The following CCSER1 variants were observed in gnomAD, a reference collection of about 807,000 sequenced individuals.
CCSER1 encodes the protein serine-rich coiled-coil domain-containing protein 1.
In CCSER1, 41 loss-of-function variants were observed where a neutral mutation model predicts 82.0. The observed-to-expected ratio is 0.50, with a 90% CI of 0.39 to 0.65. The LOEUF is 0.65. Ranked by LOEUF, CCSER1 falls within the 30% of genes least tolerant of loss-of-function variation. The pLI is 0.00. For missense variants in CCSER1, 1,119 were observed against 1,064.2 expected, an observed-to-expected ratio of 1.05 and a Z score of -0.72; for synonymous variants, 414 against 383.9, an observed-to-expected ratio of 1.08 and a Z score of -0.92.
intron 10 of CCSER1, among the ~76,000 whole-genome samples, chr4:91,350,233 T>C (rs963290944): frequency 1.3e-5 from 2 of 152,202 alleles, no homozygotes; most frequent in African/African-American, 4.8e-5. Context: ...GCAAAACAAA[T>C]TTAGATCTGA....
At chr4:90,849,661 C>T (rs1338247900) in intron 8 of CCSER1, among the ~76,000 whole-genome samples, 29 of 151,550 alleles carry the variant, frequency 1.9e-4, no homozygotes, top group South Asian at 1.5e-3. Flanking sequence ...TGGTGGCAGG[C>T]GCCTGTAGTC....
chr4:90,388,267 G>T (rs1750396977), intron 3 of CCSER1, among the ~76,000 whole-genome samples: 2 of 151,898 alleles, frequency 1.3e-5, no homozygotes, highest in South Asian at 4.1e-4. Context: ...TGACACAAGA[G>T]TGACATAGTA....
At chr4:91,460,756 C>T (rs1032455577) in intron 10 of CCSER1, among the ~76,000 whole-genome samples, 2 of 152,074 alleles carry the variant, frequency 1.3e-5, no homozygotes, top group African/African-American at 4.8e-5. Flanking sequence ...TTGTGAGTGG[C>T]CTTACACTTT....
At chr4:90,529,785 C>G (rs1774262784) in intron 5 of CCSER1, among the ~76,000 whole-genome samples, 1 of 151,938 alleles carries the variant, frequency 6.6e-6, no homozygotes, top group Non-Finnish European at 1.5e-5. Context: ...GAGTTCTGCT[C>G]TGATGCTAGG....
chr4:90,875,903 A>G (rs955949145), intron 8 of CCSER1, among the ~76,000 whole-genome samples: 3 of 152,210 alleles, frequency 2.0e-5, no homozygotes, highest in African/African-American at 7.2e-5. Context: ...AAAACAGAGC[A>G]GACTATTGCG....
At chr4:91,464,926 G>C (rs1756777313) in intron 10 of CCSER1, among the ~76,000 whole-genome samples, 1 of 152,132 alleles carries the variant, frequency 6.6e-6, no homozygotes, top group Non-Finnish European at 1.5e-5. Context: ...ACATCCCACT[G>C]TCAGTATTAG....
In CCSER1 at chr4:90,732,827, C is replaced by T. The variant is rs77600596; in HGVS notation, c.2010+8836C>T. ...CATATTTCACTTACCATAATGACTT[C>T]CAGCTCCATCCCTGTTGTTACAAAT... is the stretch of plus-strand genomic sequence containing the variant. On this transcript the variant is annotated intron_variant, in intron 7 of 10. Coordinates refer to ENST00000509176, the MANE Select transcript of CCSER1 (RefSeq NM_001145065.2). Among the ~76,000 whole-genome samples the T allele has an allele frequency of 5.5e-3, 835 of 152,304 alleles. 6 individuals carry two copies. Among genetic ancestry groups the T allele is most frequent in the Non-Finnish European group, 9.5e-3 (643 of 68,010 alleles).
chr4:90,755,709 C>T (rs2149498852), intron 7 of CCSER1, among the ~76,000 whole-genome samples: 1 of 152,232 alleles, frequency 6.6e-6, no homozygotes, highest in Admixed American at 6.5e-5. Context: ...ATGCAAAACA[C>T]TGTATACTGT....
chr4:90,862,092 T>G (rs1765182118), intron 8 of CCSER1, among the ~76,000 whole-genome samples: 1 of 151,392 alleles, frequency 6.6e-6, no homozygotes, highest in Non-Finnish European at 1.5e-5. Flanking sequence ...ATCTGAGAAG[T>G]AAAAAATTAA....
chr4:90,735,313 G>A (rs1745462093), intron 7 of CCSER1, among the ~76,000 whole-genome samples: 1 of 151,980 alleles, frequency 6.6e-6, no homozygotes, highest in African/African-American at 2.4e-5. Context: ...GTTTAGTTTT[G>A]GTATCAAGGT....
At chr4:90,560,936 C>A (rs1386004585) in intron 5 of CCSER1, among the ~76,000 whole-genome samples, 2 of 152,182 alleles carry the variant, frequency 1.3e-5, no homozygotes, top group African/African-American at 4.8e-5. Flanking sequence ...AATCATCTGG[C>A]AGGTGACTTT....
chr4:90,336,686 A>G (rs1319407340), intron 3 of CCSER1, among the ~76,000 whole-genome samples: 1 of 152,132 alleles, frequency 6.6e-6, no homozygotes, highest in Non-Finnish European at 1.5e-5. Context: ...TTGCATAGGG[A>G]GTTTATTTTT....
chr4:91,276,244 T>C (rs1742426415), intron 10 of CCSER1, among the ~76,000 whole-genome samples: 1 of 151,682 alleles, frequency 6.6e-6, no homozygotes, highest in Admixed American at 6.6e-5. Context: ...TAGATTTCTT[T>C]GGGTAGTATA....
At chr4:91,293,399 C>T (rs1425862523) in intron 10 of CCSER1, among the ~76,000 whole-genome samples, 1 of 151,950 alleles carries the variant, frequency 6.6e-6, no homozygotes, top group African/African-American at 2.4e-5. Flanking sequence ...TTAACTTGAA[C>T]AGATTAAGGT....
intron 7 of CCSER1, among the ~76,000 whole-genome samples, chr4:90,765,586 C>T (rs112351699): frequency 5.9e-4 from 89 of 151,936 alleles, no homozygotes; most frequent in African/African-American, 1.7e-3. Context: ...TTCCATTTTT[C>T]GTCTCATATA....
intron 1 of CCSER1, among the ~76,000 whole-genome samples, chr4:90,135,938 T>C (rs2153323572): frequency 6.6e-6 from 1 of 152,236 alleles, no homozygotes; most frequent in East Asian, 1.9e-4. Flanking sequence ...GTATCTTATT[T>C]GGTGTCCAAA....
At chr4:91,459,998 G>A (rs1205941378) in intron 10 of CCSER1, among the ~76,000 whole-genome samples, 1 of 152,146 alleles carries the variant, frequency 6.6e-6, no homozygotes, top group Non-Finnish European at 1.5e-5. Context: ...GCAGTGGCAA[G>A]CAGAGCATTT....
chr4:91,238,374 T>G (rs956294345), intron 10 of CCSER1, among the ~76,000 whole-genome samples: 1 of 151,828 alleles, frequency 6.6e-6, no homozygotes, highest in Admixed American at 6.6e-5. Context: ...CAAAAAAAAA[T>G]GAATTTTCCC....
chr4:90,333,298 G>GAGT (rs1739685707), intron 3 of CCSER1, among the ~76,000 whole-genome samples: 6 of 152,222 alleles, frequency 3.9e-5, no homozygotes, highest in Admixed American at 3.9e-4. Context: ...TTGTAACCGG[G>GAGT]AGTGGTTCAA....
Sources: allele counts gnomAD v4.1 joint callset (sites outside exome capture counted in the v4.1 genomes callset), GRCh38; gene constraint gnomAD v4.1.1; transcripts MANE v1.5; gene names NCBI Gene and HGNC (gene_info 2026-07-23, HGNC 2026-07-21).